TRIM71: variants seen among roughly 807,000 people sequenced by gnomAD.
TRIM71 encodes the protein tripartite motif containing 71.
TRIM71 carries 9 observed loss-of-function variants against 61.2 expected under a neutral mutation model. The ratio of observed to expected loss-of-function variants is 0.15; its 90% confidence interval spans 0.09 to 0.26. The LOEUF is 0.26. Among genes scored for constraint, TRIM71 ranks in the 10% least tolerant of loss-of-function variants. The pLI is 1.00. For missense variants in TRIM71, 998 were observed against 1,238.7 expected, an observed-to-expected ratio of 0.81 and a Z score of 2.92; for synonymous variants, 645 against 553.2, an observed-to-expected ratio of 1.17 and a Z score of -2.33.
chr3:32,828,005 T>A (rs1328598257), intron 1 of TRIM71, among the ~76,000 whole-genome samples: 2 of 152,194 alleles, frequency 1.3e-5, no homozygotes, highest in Non-Finnish European at 2.9e-5. Context: ...AAATCTGCAC[T>A]TAAGTTTTGC....
At chr3:32,837,446 G>A (rs1467114763) in intron 1 of TRIM71, among the ~76,000 whole-genome samples, 1 of 152,150 alleles carries the variant, frequency 6.6e-6, no homozygotes, top group African/African-American at 2.4e-5. Context: ...AGGGGCTGTG[G>A]ATATGGTCAA....
chr3:32,866,507 G>A lies in TRIM71; in HGVS notation c.853-7311G>A, dbSNP rs117616451. On this transcript the variant is annotated intron_variant, in intron 1 of 3. Transcript: ENST00000383763. The stretch of plus-strand genomic sequence containing the variant: ...CTCCCAAAGTTCTGGGATTACAGGC[G>A]TGAGCCACCACGCCTGATCAATGCT... 4.7e-3 allele frequency among the ~76,000 whole-genome samples: 712 copies of A among 152,300 alleles called. 14 individuals carry two copies. Among genetic ancestry groups the A allele is most frequent in the East Asian group, 0.041 (210 of 5,180 alleles).
intron 1 of TRIM71, among the ~76,000 whole-genome samples, chr3:32,829,020 C>A (rs913403124): frequency 6.8e-6 from 1 of 147,364 alleles, no homozygotes; most frequent in Non-Finnish European, 1.5e-5. Flanking sequence ...TTGACACGGA[C>A]TTTCCCTCTG....
intron 1 of TRIM71, among the ~76,000 whole-genome samples, chr3:32,872,604 T>C (rs1412617203): frequency 6.6e-5 from 10 of 152,232 alleles, no homozygotes; most frequent in Admixed American, 6.5e-4. Context: ...CTATTCAGTC[T>C]GCGCAGAATC....
intron 2 of TRIM71, 133 bp from the exon 3 acceptor site, chr3:32,885,801 C>T (rs910137262): frequency 7.9e-7 from 1 of 1,261,088 alleles, no homozygotes; most frequent in Non-Finnish European, 1.1e-6. Flanking sequence ...GTTTTCCTTC[C>T]AAGGGAGTGA....
At chr3:32,861,554 C>T (rs1696668457) in intron 1 of TRIM71, among the ~76,000 whole-genome samples, 1 of 152,120 alleles carries the variant, frequency 6.6e-6, no homozygotes, top group East Asian at 2.0e-4. Context: ...AAGTGAGTTC[C>T]TGTCTCTACA....
intron 1 of TRIM71, among the ~76,000 whole-genome samples, chr3:32,847,948 A>G (rs4909033): frequency 0.26 from 39,506 of 152,124 alleles, 5,982 homozygotes; most frequent in African/African-American, 0.42. Context: ...ATTGTACTAG[A>G]TATTCATAAC....
At chr3:32,842,638 T>C (rs1696419553) in intron 1 of TRIM71, among the ~76,000 whole-genome samples, 1 of 152,068 alleles carries the variant, frequency 6.6e-6, no homozygotes, top group Admixed American at 6.5e-5. Context: ...CACAGAGAAG[T>C]CGGGGCAGTG....
chr3:32,890,499 T>G lies in TRIM71; in HGVS notation c.1295T>G (p.Leu432Arg). Residue 432 changes from leucine to arginine, a missense_variant, in exon 4 of 4, where the codon CTG (leucine) becomes CGG (arginine). This residue lies in a region of TRIM71 where 291 missense variants were observed against 431.2 expected (regional missense o/e 0.67). Coordinates refer to ENST00000383763, the MANE Select transcript of TRIM71 (RefSeq NM_001039111.3). The surrounding 1 kb of genome is among the most constrained non-coding windows in gnomAD (Gnocchi z 6.2). Reference sequence around the variant, plus strand: ...GAGGGTAGAGCGCTAGACATCCTACTGGCCCGAGACCGGATGCTGGCCCAG... The same window carrying G: ...GAGGGTAGAGCGCTAGACATCCTACGGGCCCGAGACCGGATGCTGGCCCAG... ...LEEGRALDIL[L>R]ARDRMLAQVQ... The G allele has an allele frequency of 6.2e-7, 1 of 1,614,174 alleles. No individual in the cohort carries two copies. The highest frequency in any genetic ancestry group is 1.3e-5 in the African/African-American group (1 of 75,058).
intron 1 of TRIM71, among the ~76,000 whole-genome samples, chr3:32,831,297 A>G (rs1696267894): frequency 6.8e-6 from 1 of 148,004 alleles, no homozygotes; most frequent in African/African-American, 2.4e-5. Context: ...CAAGTCACTT[A>G]ACTGACTTGA....
chr3:32,841,883 A>G lies in TRIM71; in HGVS notation c.852+22951A>G, dbSNP rs145731391. ...GGAGTCTTGCCATGTTGCCCAGGCT[A>G]GTCTGAAACTTCTGTACTCAAGTGA... On this transcript the variant is annotated intron_variant, in intron 1 of 3. Transcript: ENST00000383763. Among the ~76,000 whole-genome samples, 3 of 152,288 alleles carry G rather than the reference A, an allele frequency of 2.0e-5. No homozygotes were observed. In the East Asian group the frequency reaches 5.8e-4, roughly 29 times the overall value.
chr3:32,879,363 T>A (rs1408949387), intron 2 of TRIM71, among the ~76,000 whole-genome samples: 1 of 152,234 alleles, frequency 6.6e-6, no homozygotes, highest in Admixed American at 6.5e-5. Flanking sequence ...TTTGACTGTT[T>A]GGTGTAAGAG....
chr3:32,867,990 T>A (rs1318334322), intron 1 of TRIM71, among the ~76,000 whole-genome samples: 2 of 152,110 alleles, frequency 1.3e-5, no homozygotes, highest in Non-Finnish European at 2.9e-5. Context: ...AGAGATACCA[T>A]GAAGCAGCCC....
At chr3:32,849,784 C>CT (rs1245373670) in intron 1 of TRIM71, among the ~76,000 whole-genome samples, 1 of 152,154 alleles carries the variant, frequency 6.6e-6, no homozygotes, top group Non-Finnish European at 1.5e-5. Flanking sequence ...GGATTCTTAA[C>CT]TTTTTTGTCA....
intron 1 of TRIM71, among the ~76,000 whole-genome samples, chr3:32,833,184 T>TAAAAAAAGAAAAAAAAAAAAAAA: frequency 1.8e-5 from 1 of 54,428 alleles, no homozygotes; most frequent in South Asian, 1.1e-3. Flanking sequence ...ACTCTGTCTT[T>TAAAAAAAGAAAAAAAAAAAAAAA]AAAAAAAAAA....
rs1559545534 is a variant in TRIM71 at position 32,863,194 on chromosome 3, C to CTTTT, written c.853-10624_853-10623insTTTT. 7.2e-4 allele frequency among the ~76,000 whole-genome samples: 85 copies of CTTTT among 117,694 alleles called. 1 individual carries two copies. The highest frequency in any genetic ancestry group is 2.4e-3 in the African/African-American group (72 of 30,626). 77.2% of individuals were successfully genotyped at this position (117,694 alleles called of 152,430 possible). A position where few individuals can be genotyped will look rare whatever the true frequency, so the allele number is the denominator to read the frequency against. ...TTGGGAGGGAGGAGTATTAATTGAA[C>CTTTT]CTTTTTTTTTTTTTTTTTTTTTTTT... On this transcript the variant is annotated intron_variant, in intron 1 of 3. Coordinates refer to ENST00000383763, the MANE Select transcript of TRIM71 (RefSeq NM_001039111.3).
In TRIM71 at chr3:32,847,683, T is replaced by A. The variant is rs569173413; in HGVS notation, c.853-26135T>A. Reference sequence around the variant, plus strand: ...ATCTGTCTTGAGCTCAGCTTTGTGCTCAGTTAAATGCAGGCCTTTCCATAT... The same window carrying A: ...ATCTGTCTTGAGCTCAGCTTTGTGCACAGTTAAATGCAGGCCTTTCCATAT... On this transcript the variant is annotated intron_variant, in intron 1 of 3. Transcript: ENST00000383763. 1.8e-4 allele frequency among the ~76,000 whole-genome samples: 28 copies of A among 152,324 alleles called. No individual in the cohort carries two copies. In the South Asian group the frequency reaches 5.2e-3, roughly 28 times the overall value.
chr3:32,888,208 T>G lies in TRIM71; in HGVS notation c.1155+2140T>G, dbSNP rs137912567. ...ATTTAAAGGGCTCTTTTGGAAATAA[T>G]ACAGACATGCCAAAAGCGTGCTATG... On this transcript the variant is annotated intron_variant, in intron 3 of 3. Transcript: ENST00000383763. Among the ~76,000 whole-genome samples, 1,017 of 152,202 alleles carry G rather than the reference T, an allele frequency of 6.7e-3. 7 individuals carry two copies. The highest frequency in any genetic ancestry group is 0.024 in the African/African-American group (980 of 41,516).
chr3:32,865,907 A>T (rs1167198234), intron 1 of TRIM71, among the ~76,000 whole-genome samples: 6 of 139,288 alleles, frequency 4.3e-5, no homozygotes, highest in African/African-American at 1.6e-4. Context: ...GCTCACTGCA[A>T]CCTCTGCCTC....
Sources: gnomAD v4.1 joint callset for allele counts (sites outside exome capture counted in the v4.1 genomes callset) on GRCh38, gnomAD v4.1.1 for gene constraint, gnomAD v4.1.1 regional missense constraint, Gnocchi (gnomAD v3.1) non-coding constraint, MANE v1.5 for transcripts, NCBI Gene and HGNC (gene_info 2026-07-23, HGNC 2026-07-21) for gene names.